IL1RAPL1: variants seen among roughly 807,000 people sequenced by gnomAD.
IL1RAPL1 encodes interleukin 1 receptor accessory protein like 1.
A neutral mutation model predicts 48.4 loss-of-function variants in IL1RAPL1; 3 were observed. That is an observed-to-expected ratio of 0.06 (90% CI 0.03 to 0.16). The LOEUF is 0.16. Ranked by LOEUF, IL1RAPL1 falls within the 10% of genes least tolerant of loss-of-function variation. IL1RAPL1 has a pLI of 1.00. For missense variants in IL1RAPL1, 349 were observed against 530.6 expected (o/e 0.66, Z 3.36); for synonymous variants, 185 against 187.7 (o/e 0.99, Z 0.12).
At chrX:29,713,526 G>A (rs913245452) in intron 6 of IL1RAPL1, among the ~76,000 whole-genome samples, 2 of 111,548 alleles carry the variant, frequency 1.8e-5, no homozygotes, top group East Asian at 5.6e-4. Flanking sequence ...CATCACCTGG[G>A]AATTTGTTAA....
intron 6 of IL1RAPL1, among the ~76,000 whole-genome samples, chrX:29,879,379 GTGTGTGTGTGTGTGTGTA>G (rs1931978056): frequency 2.0e-5 from 2 of 101,248 alleles, no homozygotes; most frequent in Admixed American, 1.1e-4. Flanking sequence ...GTGTGTGTGT[GTGTGTGTGTGTGTGTGTA>G]TATATATATA....
chrX:28,925,221 TATTA>T (rs1248536502), intron 2 of IL1RAPL1, among the ~76,000 whole-genome samples: 1 of 112,145 alleles, frequency 8.9e-6, no homozygotes, highest in African/African-American at 3.2e-5. Flanking sequence ...AATATTTAAA[TATTA>T]ATTTCAATAA....
chrX:29,627,175 G>T (rs1327249331), intron 5 of IL1RAPL1, among the ~76,000 whole-genome samples: 1 of 112,297 alleles, frequency 8.9e-6, no homozygotes, highest in African/African-American at 3.2e-5. Flanking sequence ...TAATTACCCA[G>T]ATTAGCAGAT....
In IL1RAPL1 at chrX:28,896,174, A is replaced by G. The variant is rs779851170; in HGVS notation, c.82+106749A>G. Among the ~76,000 whole-genome samples, 4 of 112,002 alleles carry G rather than the reference A, an allele frequency of 3.6e-5. No individual in the cohort carries two copies. In the South Asian group the frequency reaches 1.5e-3, roughly 42 times the overall value. On this transcript the variant is annotated intron_variant, in intron 2 of 10. Transcript: ENST00000378993. ...CTCACAGTGGAGGCAAGGAATTGCAACTCAGAAATACATTGCTACTTGGCT... is the reference window on the plus strand; with the variant it reads ...CTCACAGTGGAGGCAAGGAATTGCAGCTCAGAAATACATTGCTACTTGGCT...
intron 5 of IL1RAPL1, among the ~76,000 whole-genome samples, chrX:29,634,858 C>T (rs941866688): frequency 6.3e-5 from 7 of 111,436 alleles, no homozygotes; most frequent in Admixed American, 1.9e-4. Context: ...ACAGATAAAA[C>T]GAACTATTAG....
intron 6 of IL1RAPL1, among the ~76,000 whole-genome samples, chrX:29,837,600 G>A (rs1008606241): frequency 8.1e-5 from 9 of 111,264 alleles, no homozygotes; most frequent in African/African-American, 2.6e-4. Flanking sequence ...ATCTGAACTA[G>A]ACTAGACTTT....
intron 2 of IL1RAPL1, among the ~76,000 whole-genome samples, chrX:28,819,893 T>G (rs1936912186): frequency 1.0e-5 from 1 of 99,622 alleles, no homozygotes; most frequent in African/African-American, 3.5e-5. Context: ...AGTCTTTGAT[T>G]TATTATATTT....
At chrX:28,648,008 A>G (rs756763816) in intron 1 of IL1RAPL1, among the ~76,000 whole-genome samples, 21 of 111,752 alleles carry the variant, frequency 1.9e-4, no homozygotes, top group Admixed American at 3.8e-4. Flanking sequence ...GATCCTAAAT[A>G]GGCTGTCCCT....
intron 2 of IL1RAPL1, among the ~76,000 whole-genome samples, chrX:29,159,195 A>T (rs958110119): frequency 1.8e-5 from 2 of 110,368 alleles, no homozygotes; most frequent in Non-Finnish European, 3.8e-5. Context: ...ATAGAATGCC[A>T]TTTACAGATA....
At chrX:29,610,544 A>T (rs1254014001) in intron 5 of IL1RAPL1, among the ~76,000 whole-genome samples, 1 of 112,371 alleles carries the variant, frequency 8.9e-6, no homozygotes. Context: ...CTCCTGGGTA[A>T]TGTGTGAATA....
intron 1 of IL1RAPL1, among the ~76,000 whole-genome samples, chrX:28,788,319 G>A (rs1936494500): frequency 9.0e-6 from 1 of 111,617 alleles, no homozygotes; most frequent in Non-Finnish European, 1.9e-5. Context: ...ATGATTTTCT[G>A]AGGAAGACAA....
At chrX:29,413,338 A>C (rs971766053) in intron 5 of IL1RAPL1, among the ~76,000 whole-genome samples, 4 of 111,680 alleles carry the variant, frequency 3.6e-5, no homozygotes, top group African/African-American at 1.3e-4. Context: ...AGTTAATGTA[A>C]TTTTAATATT....
At chrX:29,906,228 G>A (rs1050285675) in intron 6 of IL1RAPL1, among the ~76,000 whole-genome samples, 2 of 104,546 alleles carry the variant, frequency 1.9e-5, no homozygotes, top group East Asian at 3.1e-4. Flanking sequence ...CCAGCTACTC[G>A]GGAGGCTGAG....
intron 2 of IL1RAPL1, among the ~76,000 whole-genome samples, chrX:28,954,423 T>C: frequency 9.0e-6 from 1 of 110,552 alleles, no homozygotes; most frequent in South Asian, 3.8e-4. Context: ...ACCTCTCAGC[T>C]TTTTTTCAAC....
At chrX:29,508,118 A>T (rs959837637) in intron 5 of IL1RAPL1, among the ~76,000 whole-genome samples, 2 of 111,877 alleles carry the variant, frequency 1.8e-5, no homozygotes, top group African/African-American at 6.5e-5. Flanking sequence ...AATACTTAAA[A>T]ACATTATCTG....
chrX:29,807,978 G>C (rs1930295215), intron 6 of IL1RAPL1, among the ~76,000 whole-genome samples: 1 of 111,702 alleles, frequency 9.0e-6, no homozygotes, highest in Non-Finnish European at 1.9e-5. Flanking sequence ...TGATAATTTT[G>C]TCAAAAATAT....
chrX:29,064,121 T>G (rs1458264973), intron 2 of IL1RAPL1, among the ~76,000 whole-genome samples: 1 of 111,890 alleles, frequency 8.9e-6, no homozygotes, highest in East Asian at 2.8e-4. Context: ...GCTCAGCCAT[T>G]AAGCATAAAC....
intron 2 of IL1RAPL1, among the ~76,000 whole-genome samples, chrX:29,255,285 T>C (rs1303841452): frequency 9.1e-6 from 1 of 109,561 alleles, no homozygotes; most frequent in Non-Finnish European, 1.9e-5. Context: ...TTATTTTGAA[T>C]ATTTTTTTCC....
intron 2 of IL1RAPL1, among the ~76,000 whole-genome samples, chrX:29,138,462 G>T (rs1929174927): frequency 9.0e-6 from 1 of 111,468 alleles, no homozygotes; most frequent in South Asian, 3.7e-4. Context: ...AATAATACCA[G>T]ATTAATATTT....
Sources: allele counts gnomAD v4.1 joint callset (sites outside exome capture counted in the v4.1 genomes callset), GRCh38; gene constraint gnomAD v4.1.1; transcripts MANE v1.5; gene names NCBI Gene and HGNC (gene_info 2026-07-23, HGNC 2026-07-21).